TGFBRAP1: variants seen among roughly 807,000 people sequenced by gnomAD.
TGFBRAP1 encodes the protein transforming growth factor beta receptor associated protein 1, also known as transforming growth factor-beta receptor-associated protein 1.
TGFBRAP1 carries 20 observed loss-of-function variants against 83.2 expected under a neutral mutation model. That is an observed-to-expected ratio of 0.24 (90% CI 0.17 to 0.35). The LOEUF is 0.35. Among genes scored for constraint, TGFBRAP1 ranks in the 10% least tolerant of loss-of-function variants. The pLI is 1.00. For missense variants in TGFBRAP1, 950 were observed against 1,099.4 expected (o/e 0.86, Z 1.92); for synonymous variants, 415 against 459.8 (o/e 0.90, Z 1.25).
At chr2:105,275,842 G>A in intron 7 of TGFBRAP1, 139 bp from the exon 8 acceptor site, 1 of 827,442 alleles carries the variant, frequency 1.2e-6, no homozygotes, top group Non-Finnish European at 1.7e-6. Context: ...TGGAAAAACT[G>A]TAAATGCTTA....
rs531287167 is a variant in TGFBRAP1, at chr2:105,274,838, C to T, written c.1665+722G>A. ...TCAGAAACTCTCCATTCAGGACCAA[C>T]GTCCTGCATCAGAAAGCTCATTTTG... On this transcript the variant is annotated intron_variant, in intron 8 of 11. Coordinates refer to ENST00000393359, the MANE Select transcript of TGFBRAP1 (RefSeq NM_004257.6). Among the ~76,000 whole-genome samples the T allele has an allele frequency of 2.6e-5, 4 of 152,334 alleles. No individual in the cohort carries two copies. The South Asian group carries it at 8.3e-4, about 32-fold the overall frequency.
intron 2 of TGFBRAP1, among the ~76,000 whole-genome samples, chr2:105,303,907 CAGCAAAAAAAATTAAAGAAA>C (rs1309429458): frequency 6.6e-6 from 1 of 151,958 alleles, no homozygotes; most frequent in African/African-American, 2.4e-5. Flanking sequence ...CCAATTTCTT[CAGCAAAAAAAATTAAAGAAA>C]AGCAAAAAAG....
At chr2:105,255,762 C>T in the TGFBRAP1 span, among the ~76,000 whole-genome samples, 1 of 152,158 alleles carries the variant, frequency 6.6e-6, no homozygotes, top group African/African-American at 2.4e-5. Context: ...GCCCCTGCAC[C>T]CCAAAGCCCA....
intron 6 of TGFBRAP1, among the ~76,000 whole-genome samples, chr2:105,279,946 G>A (rs948349506): frequency 3.3e-5 from 5 of 151,924 alleles, no homozygotes; most frequent in African/African-American, 1.2e-4. Flanking sequence ...GCTGAGGCAG[G>A]AGAATTGCTT....
intron 4 of TGFBRAP1, among the ~76,000 whole-genome samples, chr2:105,288,141 T>C (rs1310439142): frequency 6.6e-6 from 1 of 152,218 alleles, no homozygotes; most frequent in Middle Eastern, 3.2e-3. Flanking sequence ...TAGAATATTT[T>C]TCACAGCTAT....
chr2:105,290,577 GAGAGAGAGAA>G lies in TGFBRAP1; in HGVS notation c.1038+5769_1038+5778del, dbSNP rs202127309. On this transcript the variant is annotated intron_variant, in intron 4 of 11. Coordinates refer to ENST00000393359, the MANE Select transcript of TGFBRAP1 (RefSeq NM_004257.6). ...AGGATGTGTATATGAGAGAAAGACAGAGAGAGAGAAAGAGAGAGAAAGAGAGAAACAGAGA... is the reference window on the plus strand; with the variant it reads ...AGGATGTGTATATGAGAGAAAGACAGAGAGAGAGAAAGAGAGAAACAGAGA... 3.8e-3 allele frequency among the ~76,000 whole-genome samples: 574 copies of G among 151,546 alleles called. 28 individuals carry two copies. In the East Asian group the frequency reaches 0.091, roughly 24 times the overall value.
chr2:105,268,948 G>A (rs766027261), intron 11 of TGFBRAP1, among the ~76,000 whole-genome samples: 4 of 152,234 alleles, frequency 2.6e-5, no homozygotes, highest in Non-Finnish European at 4.4e-5. Context: ...CAAGCATGAC[G>A]TAAAATGCCT....
intron 2 of TGFBRAP1, among the ~76,000 whole-genome samples, chr2:105,302,140 A>G (rs7600128): frequency 0.047 from 7,177 of 152,292 alleles, 203 homozygotes; most frequent in African/African-American, 0.075. Flanking sequence ...TTAAAACTAC[A>G]CTGAAAAACC....
At chr2:105,284,438 A>C in intron 4 of TGFBRAP1, 40 bp from the exon 5 acceptor site, 1 of 1,588,342 alleles carries the variant, frequency 6.3e-7, no homozygotes, top group Non-Finnish European at 8.6e-7. Flanking sequence ...GTGAATCTTG[A>C]AACCATCACG....
At position 105,269,074 on chromosome 2, in the gene TGFBRAP1, G is replaced by A. The variant is rs1384392377; in HGVS notation, c.2406+198C>T. ...TCCAAAAGGGGAGAAAAACTACACC[G>A]ATGTTACACCTACCAGCCCAGCCTC... On this transcript the variant is annotated intron_variant, in intron 11 of 11. Transcript: ENST00000393359. The surrounding 1 kb of genome is among the most constrained non-coding windows in gnomAD (Gnocchi z 4.1). Among the ~76,000 whole-genome samples the A allele has an allele frequency of 6.6e-6, 1 of 152,174 alleles. No homozygotes were observed. The highest frequency in any genetic ancestry group is 2.1e-4 in the South Asian group (1 of 4,826).
intron 2 of TGFBRAP1, among the ~76,000 whole-genome samples, chr2:105,305,364 C>G (rs187623040): frequency 4.6e-5 from 7 of 152,298 alleles, no homozygotes; most frequent in Non-Finnish European, 8.8e-5. Flanking sequence ...GGAATGCGCT[C>G]TCACCAGCAT....
chr2:105,317,704 TAAGGGGAA>T (rs1678928611), intron 1 of TGFBRAP1, among the ~76,000 whole-genome samples: 1 of 152,010 alleles, frequency 6.6e-6, no homozygotes, highest in Non-Finnish European at 1.5e-5. Flanking sequence ...AGTGAAAAGA[TAAGGGGAA>T]AAGGGGGCTA....
downstream of TGFBRAP1, among the ~76,000 whole-genome samples, chr2:105,264,098 C>T (rs1676847969): frequency 6.6e-6 from 1 of 152,130 alleles, no homozygotes; most frequent in African/African-American, 2.4e-5. Flanking sequence ...TTTGAATATG[C>T]TCAGGGTTAG....
At chr2:105,253,878 T>C in the TGFBRAP1 span, among the ~76,000 whole-genome samples, 1 of 152,242 alleles carries the variant, frequency 6.6e-6, no homozygotes, top group Non-Finnish European at 1.5e-5. Context: ...TATAAAAATA[T>C]GCTTTTTCTT....
At chr2:105,323,989 T>A (rs1010746) in intron 1 of TGFBRAP1, among the ~76,000 whole-genome samples, 1 of 151,822 alleles carries the variant, frequency 6.6e-6, no homozygotes, top group Non-Finnish European at 1.5e-5. Flanking sequence ...CCCTTTCAAG[T>A]GTGTTAAGGT....
chr2:105,277,547 A>G, intron 7 of TGFBRAP1, 67 bp downstream of exon 7: 2 of 1,521,196 alleles, frequency 1.3e-6, no homozygotes, highest in Non-Finnish European at 1.8e-6. Context: ...AATTTTTTTT[A>G]AGTAACACTA....
chr2:105,274,090 G>A (rs1677252538), intron 8 of TGFBRAP1, among the ~76,000 whole-genome samples: 1 of 152,234 alleles, frequency 6.6e-6, no homozygotes, highest in African/African-American at 2.4e-5. Context: ...AGAACAGTAT[G>A]TGAAAAGATA....
the TGFBRAP1 span, among the ~76,000 whole-genome samples, chr2:105,259,078 G>A: frequency 6.6e-6 from 1 of 152,230 alleles, no homozygotes; most frequent in Non-Finnish European, 1.5e-5. Context: ...CAAGTTTGAT[G>A]TGATGTGACA....
intron 2 of TGFBRAP1, among the ~76,000 whole-genome samples, chr2:105,299,370 G>A (rs116200155): frequency 1.3e-5 from 2 of 152,102 alleles, no homozygotes; most frequent in South Asian, 4.2e-4. Context: ...GTGTCCTCAC[G>A]TGAGGACAAA....
Sources: gnomAD v4.1 joint callset for allele counts (sites outside exome capture counted in the v4.1 genomes callset) on GRCh38, gnomAD v4.1.1 for gene constraint, Gnocchi (gnomAD v3.1) non-coding constraint, MANE v1.5 for transcripts, NCBI Gene and HGNC (gene_info 2026-07-23, HGNC 2026-07-21) for gene names.